PCDH9: variants seen among roughly 807,000 people sequenced by gnomAD.
The protein encoded by PCDH9 is protocadherin-9.
Under a neutral mutation model 70.6 loss-of-function variants are expected in PCDH9, and 24 were observed. The ratio of observed to expected loss-of-function variants is 0.34; its 90% CI spans 0.25 to 0.48. The LOEUF (loss-of-function observed/expected upper bound fraction) is 0.48. PCDH9 is among the 20% of genes least tolerant of loss of function. PCDH9 has a pLI of 0.99. For missense variants in PCDH9, 1,281 were observed against 1,503.6 expected, an observed-to-expected ratio of 0.85 and a Z score of 2.45; for synonymous variants, 562 against 558.5, an observed-to-expected ratio of 1.01 and a Z score of -0.09.
intron 4 of PCDH9, among the ~76,000 whole-genome samples, chr13:66,614,394 A>G (rs972089513): frequency 6.6e-6 from 1 of 152,244 alleles, no homozygotes; most frequent in Non-Finnish European, 1.5e-5. Context: ...ATAAAAGCAT[A>G]ACAAGGTTTT....
chr13:66,810,594 A>C (rs929379828), intron 3 of PCDH9, among the ~76,000 whole-genome samples: 3 of 151,984 alleles, frequency 2.0e-5, no homozygotes, highest in Non-Finnish European at 4.4e-5. Context: ...AACAGTGAGC[A>C]CCTAAGTATA....
At chr13:66,990,615 A>C (rs1288382541) in intron 2 of PCDH9, among the ~76,000 whole-genome samples, 4 of 149,882 alleles carry the variant, frequency 2.7e-5, no homozygotes, top group Non-Finnish European at 5.9e-5. Context: ...ACATATAAAC[A>C]CATATATATA....
chr13:66,716,426 G>C (rs974581011), intron 3 of PCDH9, among the ~76,000 whole-genome samples: 2 of 152,154 alleles, frequency 1.3e-5, no homozygotes, highest in Admixed American at 6.5e-5. Context: ...TATTTTGCTT[G>C]ATCATTCTCT....
At chr13:66,431,746 A>G (rs1180475129) in intron 4 of PCDH9, among the ~76,000 whole-genome samples, 1 of 152,036 alleles carries the variant, frequency 6.6e-6, no homozygotes, top group Non-Finnish European at 1.5e-5. Context: ...TGATTCATTC[A>G]GAAGCACTGA....
intron 2 of PCDH9, among the ~76,000 whole-genome samples, chr13:67,001,217 G>T (rs1286007731): frequency 6.6e-6 from 1 of 152,044 alleles, no homozygotes; most frequent in African/African-American, 2.4e-5. Flanking sequence ...TTGATGTTTG[G>T]ATTACGATTC....
rs36076373 is a variant in PCDH9, at chr13:66,890,448, CT to C, written c.3138+13055del. Among the ~76,000 whole-genome samples, 1,004 of 100,526 alleles carry C rather than the reference CT, an allele frequency of 1.0e-2. 6 individuals carry two copies. The highest frequency in any genetic ancestry group is 0.048 in the Middle Eastern group (8 of 166). 65.9% of individuals were successfully genotyped at this position (100,526 alleles called of 152,430 possible). A position where few individuals can be genotyped will look rare whatever the true frequency, so the allele number is the denominator to read the frequency against. On this transcript the variant is annotated intron_variant, in intron 3 of 4. Coordinates refer to ENST00000377865, the MANE Select transcript of PCDH9 (RefSeq NM_203487.3). Reference sequence around the variant, plus strand: ...TTCTTCCTAACTGTAGACTTCTGAACTTTTTTTTTTTTTTTTTTTTTTGGTT... The same window carrying C: ...TTCTTCCTAACTGTAGACTTCTGAACTTTTTTTTTTTTTTTTTTTTTGGTT...
intron 2 of PCDH9, among the ~76,000 whole-genome samples, chr13:67,159,388 G>T (rs1489824226): frequency 6.6e-6 from 1 of 152,176 alleles, no homozygotes; most frequent in African/African-American, 2.4e-5. Context: ...GTTGAGCAAA[G>T]AATGACATGA....
At chr13:66,822,136 G>GCACA (rs10701113) in intron 3 of PCDH9, among the ~76,000 whole-genome samples, 9,089 of 149,066 alleles carry the variant, frequency 0.061, 469 homozygotes, top group African/African-American at 0.14. Flanking sequence ...TCACACACGC[G>GCACA]CACACACACA....
chr13:66,679,579 T>C (rs1235066218), intron 3 of PCDH9, among the ~76,000 whole-genome samples: 3 of 151,916 alleles, frequency 2.0e-5, no homozygotes, highest in Non-Finnish European at 2.9e-5. Flanking sequence ...CTCTGAAAGA[T>C]GAAGAGAATA....
intron 2 of PCDH9, among the ~76,000 whole-genome samples, chr13:67,049,685 T>C (rs1460098972): frequency 1.3e-5 from 2 of 152,150 alleles, no homozygotes; most frequent in African/African-American, 4.8e-5. Flanking sequence ...AGAGTTAAAT[T>C]TTCAAACAAA....
chr13:66,488,614 G>C (rs1958984866), intron 4 of PCDH9, among the ~76,000 whole-genome samples: 2 of 152,060 alleles, frequency 1.3e-5, no homozygotes, highest in South Asian at 4.1e-4. Context: ...AGAAAATTCT[G>C]TAAGAATTAT....
At chr13:67,042,973 T>C (rs1472464447) in intron 2 of PCDH9, among the ~76,000 whole-genome samples, 4 of 152,036 alleles carry the variant, frequency 2.6e-5, no homozygotes, top group African/African-American at 7.3e-5. Flanking sequence ...AGGGATTGCA[T>C]AGAAGGAGGT....
intron 4 of PCDH9, among the ~76,000 whole-genome samples, chr13:66,460,657 A>G (rs1243458561): frequency 6.6e-6 from 1 of 151,828 alleles, no homozygotes; most frequent in Non-Finnish European, 1.5e-5. Context: ...TAAAGATACC[A>G]GAATAAAGAT....
intron 2 of PCDH9, among the ~76,000 whole-genome samples, chr13:67,022,746 AATTT>A (rs1412855567): frequency 6.6e-6 from 1 of 152,166 alleles, no homozygotes; most frequent in Non-Finnish European, 1.5e-5. Flanking sequence ...AAGGAGGCAG[AATTT>A]TGTGTGATAT....
chr13:66,727,139 AC>A, intron 3 of PCDH9, among the ~76,000 whole-genome samples: 1 of 152,038 alleles, frequency 6.6e-6, no homozygotes, highest in African/African-American at 2.4e-5. Flanking sequence ...GTGTTGGCAC[AC>A]ACCTGTAGTC....
At chr13:66,474,916 G>C (rs1958691914) in intron 4 of PCDH9, among the ~76,000 whole-genome samples, 1 of 152,064 alleles carries the variant, frequency 6.6e-6, no homozygotes, top group South Asian at 2.1e-4. Context: ...CTCCTTGAAT[G>C]AATTTCAATG....
chr13:66,849,515 T>G (rs56864719), intron 3 of PCDH9, among the ~76,000 whole-genome samples: 52,606 of 71,558 alleles, frequency 0.74, 19,162 homozygotes, highest in Middle Eastern at 0.83. Context: ...TATATATATA[T>G]ATAGAGAGAG....
chr13:66,653,667 T>C (rs1222072024), intron 3 of PCDH9, among the ~76,000 whole-genome samples: 1 of 151,958 alleles, frequency 6.6e-6, no homozygotes, highest in Admixed American at 6.6e-5. Flanking sequence ...GTGAGGTATA[T>C]ACCCAAAAGA....
intron 3 of PCDH9, among the ~76,000 whole-genome samples, chr13:66,640,122 A>G (rs1265705154): frequency 1.3e-5 from 2 of 152,206 alleles, no homozygotes; most frequent in Non-Finnish European, 2.9e-5. Context: ...TTAATTAGAA[A>G]TTACATTAAA....
Sources: allele counts gnomAD v4.1 joint callset (sites outside exome capture counted in the v4.1 genomes callset), GRCh38; gene constraint gnomAD v4.1.1; transcripts MANE v1.5; gene names NCBI Gene and HGNC (gene_info 2026-07-23, HGNC 2026-07-21).